SPOCK3: variants seen among roughly 807,000 people sequenced by gnomAD.
The protein encoded by SPOCK3 is SPARC (osteonectin), cwcv and kazal like domains proteoglycan 3, also known as testican-3.
A neutral mutation model predicts 56.6 loss-of-function variants in SPOCK3; 30 were observed. That is an observed-to-expected ratio of 0.53 (90% CI 0.40 to 0.72). The LOEUF is 0.72. Ranked by LOEUF, SPOCK3 falls within the 30% of genes least tolerant of loss-of-function variation. The pLI, the probability that SPOCK3 is intolerant of heterozygous loss-of-function variation, is 0.00. For synonymous variants in SPOCK3, 196 were observed against 183.3 expected (o/e 1.07, Z -0.56); for missense variants, 527 against 530.0 (o/e 0.99, Z 0.06).
chr4:167,055,392 T>C (rs1754688107), intron 3 of SPOCK3, among the ~76,000 whole-genome samples: 1 of 152,206 alleles, frequency 6.6e-6, no homozygotes, highest in South Asian at 2.1e-4. Flanking sequence ...ATGGGTGATT[T>C]CTGCATTTCC....
chr4:167,057,970 T>C (rs949453957), intron 3 of SPOCK3, among the ~76,000 whole-genome samples: 2 of 152,020 alleles, frequency 1.3e-5, no homozygotes, highest in Admixed American at 6.6e-5. Flanking sequence ...CCACCCCAAA[T>C]CAACAGAATA....
At chr4:166,996,386 T>TA (rs1446213308) in intron 4 of SPOCK3, among the ~76,000 whole-genome samples, 2 of 152,124 alleles carry the variant, frequency 1.3e-5, no homozygotes, top group African/African-American at 4.8e-5. Flanking sequence ...CAAGGGAGCA[T>TA]AAAACACTGG....
intron 2 of SPOCK3, among the ~76,000 whole-genome samples, chr4:167,212,456 T>C (rs796768527): frequency 4.6e-5 from 7 of 152,138 alleles, no homozygotes; most frequent in African/African-American, 1.7e-4. Context: ...TGGCCAGGAC[T>C]GGTCTTGAAC....
intron 6 of SPOCK3, among the ~76,000 whole-genome samples, chr4:166,804,166 C>T (rs989180911): frequency 6.6e-6 from 1 of 152,026 alleles, no homozygotes; most frequent in African/African-American, 2.4e-5. Flanking sequence ...CTTTGTAAGA[C>T]GTCAGAATTC....
chr4:167,122,160 CTCTCTCTCTT>C (rs1241327508), intron 2 of SPOCK3, among the ~76,000 whole-genome samples: 4 of 148,548 alleles, frequency 2.7e-5, no homozygotes, highest in East Asian at 2.0e-4. Context: ...CATTCTCTCT[CTCTCTCTCTT>C]TCTCTCTCTT....
intron 2 of SPOCK3, among the ~76,000 whole-genome samples, chr4:167,174,227 T>C (rs1455494611): frequency 6.6e-6 from 1 of 152,076 alleles, no homozygotes; most frequent in Non-Finnish European, 1.5e-5. Flanking sequence ...ACAAGAAATA[T>C]TGGAACTCAT....
intron 8 of SPOCK3, among the ~76,000 whole-genome samples, chr4:166,743,542 G>A (rs371587535): frequency 3.9e-5 from 6 of 152,178 alleles, no homozygotes; most frequent in Admixed American, 3.9e-4. Flanking sequence ...TAGTGTGAGC[G>A]ACGCAGAAGA....
At chr4:167,207,951 G>A (rs948410501) in intron 2 of SPOCK3, among the ~76,000 whole-genome samples, 2 of 152,042 alleles carry the variant, frequency 1.3e-5, no homozygotes, top group East Asian at 1.9e-4. Flanking sequence ...ACATGACAAC[G>A]CATTTTAATG....
chr4:167,211,981 T>C (rs941307765), intron 2 of SPOCK3, among the ~76,000 whole-genome samples: 3 of 152,206 alleles, frequency 2.0e-5, no homozygotes, highest in African/African-American at 7.2e-5. Context: ...CAATGGACAG[T>C]GTAAACATAC....
Position 166,742,057 on chromosome 4 carries a change from G to C in SPOCK3, c.934C>G (p.Pro312Ala). 3 of 1,610,048 alleles carry C rather than the reference G, an allele frequency of 1.9e-6. No individual in the cohort carries two copies. Among genetic ancestry groups the C allele is most frequent in the Non-Finnish European group, 2.5e-6 (3 of 1,177,012 alleles). ...TTGCTGAGCTCAGTCTGGCAAGGTG[G>C]GTCTGCAATGACATTAAAAATGTTA... is the stretch of plus-strand genomic sequence containing the variant. Reference protein sequence around the residue: ...WCYCFQRQQDPPCQTELSNIQ... With the variant: ...WCYCFQRQQDAPCQTELSNIQ... The change falls in exon 9 of 11, where the codon CCA becomes GCA. Residue 312 changes from proline to alanine, a missense_variant and splice_region_variant. Transcript: ENST00000357545.
At chr4:167,107,312 GT>G (rs1760252042) in intron 2 of SPOCK3, among the ~76,000 whole-genome samples, 1 of 151,852 alleles carries the variant, frequency 6.6e-6, no homozygotes, top group South Asian at 2.1e-4. Flanking sequence ...TCATGACCAA[GT>G]GGGATTTACC....
At chr4:166,738,449 T>A (rs1734450411) in intron 9 of SPOCK3, among the ~76,000 whole-genome samples, 1 of 151,328 alleles carries the variant, frequency 6.6e-6, no homozygotes, top group Non-Finnish European at 1.5e-5. Flanking sequence ...TATTTAATTT[T>A]ACTCTATGGT....
chr4:167,047,615 T>A (rs1753844810), intron 3 of SPOCK3, among the ~76,000 whole-genome samples: 3 of 152,222 alleles, frequency 2.0e-5, no homozygotes, highest in African/African-American at 7.2e-5. Context: ...ACTATAAAAA[T>A]TTAGATTCTA....
At chr4:166,940,525 A>G (rs908999666) in intron 4 of SPOCK3, among the ~76,000 whole-genome samples, 20 of 152,102 alleles carry the variant, frequency 1.3e-4, no homozygotes, top group Admixed American at 8.5e-4. Context: ...AAGCAAAGCT[A>G]TCTTCGGTAG....
chr4:167,206,718 T>A (rs892948266), intron 2 of SPOCK3, among the ~76,000 whole-genome samples: 1 of 150,074 alleles, frequency 6.7e-6, no homozygotes, highest in Non-Finnish European at 1.5e-5. Context: ...AGATACCAAT[T>A]TTTTTTTCTT....
At chr4:167,041,018 G>C (rs752069784) in intron 3 of SPOCK3, among the ~76,000 whole-genome samples, 1 of 152,114 alleles carries the variant, frequency 6.6e-6, no homozygotes, top group Non-Finnish European at 1.5e-5. Context: ...GGATAGAGCC[G>C]GGCTCACTGG....
chr4:166,943,180 T>A (rs967920134), intron 4 of SPOCK3, among the ~76,000 whole-genome samples: 10 of 152,184 alleles, frequency 6.6e-5, no homozygotes, highest in Non-Finnish European at 1.5e-4. Flanking sequence ...TGAGAATTTT[T>A]AAAAATGATA....
intron 6 of SPOCK3, among the ~76,000 whole-genome samples, chr4:166,803,106 G>T (rs1014647799): frequency 2.0e-5 from 3 of 152,046 alleles, no homozygotes; most frequent in African/African-American, 7.2e-5. Context: ...CCTTACCAAG[G>T]ATTATTTCAG....
chr4:167,071,762 G>A (rs1304084227), intron 2 of SPOCK3, among the ~76,000 whole-genome samples: 1 of 151,922 alleles, frequency 6.6e-6, no homozygotes, highest in Non-Finnish European at 1.5e-5. Context: ...TGGGTCAAAT[G>A]GTATTTCTAG....
Sources: allele counts gnomAD v4.1 joint callset (sites outside exome capture counted in the v4.1 genomes callset), GRCh38; gene constraint gnomAD v4.1.1; transcripts MANE v1.5; gene names NCBI Gene and HGNC (gene_info 2026-07-23, HGNC 2026-07-21).